RAPGEF5: variants seen among roughly 807,000 people sequenced by gnomAD.
The protein encoded by RAPGEF5 is M-Ras-regulated GEF.
RAPGEF5 carries 65 observed loss-of-function variants against 125.2 expected under a neutral mutation model. The observed-to-expected ratio is 0.52, with a 90% CI of 0.43 to 0.64. The LOEUF (loss-of-function observed/expected upper bound fraction) is 0.64, where lower values mean the gene tolerates loss of function less well. Among genes scored for constraint, RAPGEF5 ranks in the 30% least tolerant of loss-of-function variants. RAPGEF5 has a pLI of 0.00. For missense variants in RAPGEF5, 958 were observed against 1,048.1 expected, an observed-to-expected ratio of 0.91 and a Z score of 1.19; for synonymous variants, 391 against 385.9, an observed-to-expected ratio of 1.01 and a Z score of -0.16.
intron 6 of RAPGEF5, among the ~76,000 whole-genome samples, chr7:22,272,873 C>A (rs1304597695): frequency 6.6e-6 from 1 of 152,130 alleles, no homozygotes; most frequent in Non-Finnish European, 1.5e-5. Context: ...CCTCCCACCT[C>A]AGTCTCCTGA....
Position 22,357,043 on chromosome 7 carries a change from G to A in RAPGEF5, c.18C>T (p.Gly6=), listed in dbSNP as rs1168906704. The change falls in exon 1 of 26, where the codon GGC becomes GGT. Residue 6 remains glycine (G), a synonymous_variant. Transcript: ENST00000665637. The part of the protein sequence containing the change: MRMAV[G]SVKMQPPCES... ...CGCACGGCGGCTGCATCTTGACGGAGCCCACGGCCATCCTCATGCCCTGAC... is the reference window on the plus strand; with the variant it reads ...CGCACGGCGGCTGCATCTTGACGGAACCCACGGCCATCCTCATGCCCTGAC... 1 of 1,035,868 alleles carries A rather than the reference G, an allele frequency of 9.7e-7. No individual in the cohort carries two copies. The highest frequency in any genetic ancestry group is 1.2e-6 in the Non-Finnish European group (1 of 864,316). 64.2% of individuals were successfully genotyped at this position (1,035,868 alleles called of 1,614,324 possible). A position where few individuals can be genotyped will look rare whatever the true frequency, so the allele number is the denominator to read the frequency against.
At chr7:22,233,839 T>C (rs1786120675) in intron 7 of RAPGEF5, among the ~76,000 whole-genome samples, 1 of 152,216 alleles carries the variant, frequency 6.6e-6, no homozygotes, top group Admixed American at 6.5e-5. Flanking sequence ...AACAATGCTA[T>C]GTTTATTGTC....
chr7:22,203,683 T>G (rs1002948672), intron 9 of RAPGEF5, among the ~76,000 whole-genome samples: 2 of 152,152 alleles, frequency 1.3e-5, no homozygotes, highest in African/African-American at 4.8e-5. Context: ...CCCGAGGGAA[T>G]AGGTGAAGGG....
chr7:22,306,381 G>A (rs1783342655), intron 5 of RAPGEF5, among the ~76,000 whole-genome samples: 1 of 152,114 alleles, frequency 6.6e-6, no homozygotes, highest in Non-Finnish European at 1.5e-5. Flanking sequence ...TTGAGAAACT[G>A]TCTATTCAGA....
intron 11 of RAPGEF5, among the ~76,000 whole-genome samples, chr7:22,170,947 ATC>A (rs773772977): frequency 6.6e-6 from 1 of 152,094 alleles, no homozygotes. Context: ...TAACTCAAAT[ATC>A]TCTCTATTTA....
At chr7:22,331,124 G>A (rs781252207) in intron 1 of RAPGEF5, among the ~76,000 whole-genome samples, 1 of 152,116 alleles carries the variant, frequency 6.6e-6, no homozygotes, top group Non-Finnish European at 1.5e-5. Context: ...TGCAAACTGC[G>A]ACACAGATAG....
intron 6 of RAPGEF5, among the ~76,000 whole-genome samples, chr7:22,290,677 G>A (rs977792064): frequency 6.7e-6 from 1 of 150,312 alleles, no homozygotes; most frequent in Non-Finnish European, 1.5e-5. Context: ...CCCGGGAGGC[G>A]GAGCTTGCAG....
At chr7:22,238,091 G>A (rs1388023675) in intron 7 of RAPGEF5, among the ~76,000 whole-genome samples, 1 of 152,158 alleles carries the variant, frequency 6.6e-6, no homozygotes, top group Non-Finnish European at 1.5e-5. Context: ...ATTGGAAAAT[G>A]TTAGAAAACC....
chr7:22,348,185 T>C (rs1009942419), intron 1 of RAPGEF5, among the ~76,000 whole-genome samples: 1 of 152,234 alleles, frequency 6.6e-6, no homozygotes, highest in Non-Finnish European at 1.5e-5. Flanking sequence ...GCATTTCTTT[T>C]GCTGTGCTAT....
chr7:22,191,602 C>T (rs1784998957), intron 11 of RAPGEF5: 1 of 470,984 alleles, frequency 2.1e-6, no homozygotes, highest in Non-Finnish European at 4.4e-6. Flanking sequence ...TTTGTGAGCA[C>T]ATGGCAGAAG....
At chr7:22,337,157 A>T (rs1197429148) in intron 1 of RAPGEF5, among the ~76,000 whole-genome samples, 2 of 152,164 alleles carry the variant, frequency 1.3e-5, no homozygotes, top group African/African-American at 4.8e-5. Flanking sequence ...GAAAATTTAA[A>T]GGCTAGACTT....
intron 6 of RAPGEF5, among the ~76,000 whole-genome samples, chr7:22,278,581 C>T (rs2128144174): frequency 6.6e-6 from 1 of 151,762 alleles, no homozygotes; most frequent in East Asian, 1.9e-4. Context: ...TAACATGATG[C>T]TAATTATTAG....
chr7:22,221,861 AT>A (rs1583493571), intron 8 of RAPGEF5, among the ~76,000 whole-genome samples: 1 of 152,262 alleles, frequency 6.6e-6, no homozygotes, highest in East Asian at 1.9e-4. Flanking sequence ...TCCCTAAATT[AT>A]TTTATTCATT....
At chr7:22,247,030 A>G (rs529689455) in intron 7 of RAPGEF5, among the ~76,000 whole-genome samples, 1 of 152,392 alleles carries the variant, frequency 6.6e-6, no homozygotes, top group South Asian at 2.1e-4. Context: ...CCAATGAGTT[A>G]TCATCTGACA....
intron 24 of RAPGEF5, among the ~76,000 whole-genome samples, chr7:22,128,078 A>G (rs535259361): frequency 2.0e-5 from 3 of 152,182 alleles, no homozygotes; most frequent in East Asian, 3.9e-4. Flanking sequence ...ATCATATGCC[A>G]TTTGCGTAGC....
chr7:22,270,465 C>T (rs1306271840), intron 6 of RAPGEF5, among the ~76,000 whole-genome samples: 1 of 152,200 alleles, frequency 6.6e-6, no homozygotes, highest in Non-Finnish European at 1.5e-5. Context: ...GTGTTGTTGG[C>T]TAACCTGAGT....
intron 5 of RAPGEF5, among the ~76,000 whole-genome samples, chr7:22,298,869 TAA>T (rs1375774475): frequency 5.9e-5 from 9 of 152,208 alleles, no homozygotes; most frequent in African/African-American, 2.2e-4. Flanking sequence ...CCATTCCACC[TAA>T]GTTTTCAAAT....
intron 5 of RAPGEF5, among the ~76,000 whole-genome samples, chr7:22,306,016 G>C (rs1165427655): frequency 6.6e-6 from 1 of 152,148 alleles, no homozygotes; most frequent in Non-Finnish European, 1.5e-5. Flanking sequence ...AAAAAACATA[G>C]GAAAGCAGGT....
chr7:22,317,568 C>T (rs560989321), intron 2 of RAPGEF5, among the ~76,000 whole-genome samples: 1 of 152,140 alleles, frequency 6.6e-6, no homozygotes, highest in African/African-American at 2.4e-5. Flanking sequence ...TTGACTGATT[C>T]TTTACTGCAA....
Sources: gnomAD v4.1 joint callset for allele counts (sites outside exome capture counted in the v4.1 genomes callset) on GRCh38, gnomAD v4.1.1 for gene constraint, MANE v1.5 for transcripts, NCBI Gene and HGNC (gene_info 2026-07-23, HGNC 2026-07-21) for gene names.